Variants in MINDY3 observed in about 807,000 individuals in gnomAD.
The protein encoded by MINDY3 is MINDY lysine 48 deubiquitinase 3.
A neutral mutation model predicts 69.2 loss-of-function variants in MINDY3; 38 were observed. That is an observed-to-expected ratio of 0.55 (90% CI 0.42 to 0.72). The LOEUF (loss-of-function observed/expected upper bound fraction) is 0.72. MINDY3 is among the 30% of genes least tolerant of loss of function. The pLI, the probability that MINDY3 is intolerant of heterozygous loss-of-function variation, is 0.00. For synonymous variants in MINDY3, 192 were observed against 180.1 expected, an observed-to-expected ratio of 1.07 and a Z score of -0.53; for missense variants, 522 against 519.0, an observed-to-expected ratio of 1.01 and a Z score of -0.06.
chr10:15,849,447 T>G (rs7094427), intron 1 of MINDY3, among the ~76,000 whole-genome samples: 19,412 of 138,704 alleles, frequency 0.14, 2,924 homozygotes, highest in African/African-American at 0.39. Context: ...ATCTTACTGG[T>G]TTTTTTTTTT....
Position 15,841,365 on chromosome 10 carries a change from A to T in MINDY3, c.409+61T>A. On this transcript the variant is annotated intron_variant, in intron 4 of 14. Coordinates refer to ENST00000277632, the MANE Select transcript of MINDY3 (RefSeq NM_024948.4). ...AAGTAATTTTTTCTTCAAAATATTC[A>T]ATAGATTCATTAAAACAAAGGAACA... 3.0e-6 allele frequency: 4 copies of T among 1,329,144 alleles called. No individual in the cohort carries two copies. In the South Asian group the frequency reaches 5.4e-5, roughly 18 times the overall value. The allele number at this position is 1,329,144 out of a possible 1,614,324, so 82.3% of individuals were successfully genotyped here. A position where few individuals can be genotyped will look rare whatever the true frequency, so the allele number is the denominator to read the frequency against.
rs575487253 is a variant in MINDY3, at chr10:15,851,569, G to T, written c.95-3626C>A. 7.9e-5 allele frequency among the ~76,000 whole-genome samples: 12 copies of T among 151,836 alleles called. No homozygotes were observed. The South Asian group carries it at 2.1e-3, about 26-fold the overall frequency. ...CCTATAGGTTTCACCCTAAGATAAG[G>T]CCTGCCTGCTTCAAGGCTTCAAAAC... On this transcript the variant is annotated intron_variant, in intron 1 of 14. Transcript: ENST00000277632.
At chr10:15,785,612 A>G (rs1367371091) in intron 13 of MINDY3, among the ~76,000 whole-genome samples, 1 of 152,102 alleles carries the variant, frequency 6.6e-6, no homozygotes, top group Admixed American at 6.6e-5. Flanking sequence ...ATAAAATCTA[A>G]TTTTTCATGA....
At chr10:15,835,057 G>A (rs371382624) in intron 6 of MINDY3, among the ~76,000 whole-genome samples, 2 of 152,100 alleles carry the variant, frequency 1.3e-5, no homozygotes, top group African/African-American at 2.4e-5. Flanking sequence ...AATAATTTGC[G>A]TTTTAATTAT....
chr10:15,856,631 C>G (rs1001600240), intron 1 of MINDY3, among the ~76,000 whole-genome samples: 5 of 152,238 alleles, frequency 3.3e-5, no homozygotes, highest in Admixed American at 2.0e-4. Context: ...CCATACTAAC[C>G]ATGGCTGCTT....
chr10:15,837,760 T>C (rs1833188620), intron 5 of MINDY3: 1 of 1,036,534 alleles, frequency 9.6e-7, no homozygotes, highest in Non-Finnish European at 1.2e-6. Flanking sequence ...TAATGTTACA[T>C]TTTAAACCAA....
chr10:15,795,978 A>G lies in MINDY3; in HGVS notation c.955+122T>C, dbSNP rs1230434880. The G allele has an allele frequency of 4.3e-5, 34 of 789,576 alleles. No individual in the cohort carries two copies. The East Asian group carries it at 8.4e-4, about 20-fold the overall frequency. The allele number at this position is 789,576 out of a possible 1,614,324, so 48.9% of individuals were successfully genotyped here. ...CACTACTTTCCTTTTAAAATGTTCA[A>G]GAAACACAACTTACATTTCATTAAA... On this transcript the variant is annotated intron_variant, in intron 11 of 14. Transcript: ENST00000277632.
At chr10:15,825,633 T>C (rs955234105) in intron 8 of MINDY3, among the ~76,000 whole-genome samples, 1 of 152,236 alleles carries the variant, frequency 6.6e-6, no homozygotes, top group Admixed American at 6.5e-5. Flanking sequence ...CAGAGAAACA[T>C]GACTATTTTT....
intron 8 of MINDY3, among the ~76,000 whole-genome samples, chr10:15,824,209 T>C (rs1390665599): frequency 6.6e-6 from 1 of 152,190 alleles, no homozygotes; most frequent in African/African-American, 2.4e-5. Context: ...TCCATACTGT[T>C]TTCCATAGTG....
chr10:15,833,793 C>T, intron 7 of MINDY3, 84 bp from the exon 8 acceptor site: 1 of 859,618 alleles, frequency 1.2e-6, no homozygotes, highest in South Asian at 1.5e-5. Context: ...AAAGTAATGA[C>T]TTTTCACATT....
rs549073824 is a variant in MINDY3 at position 15,828,957 on chromosome 10, A to G, written c.730+4673T>C. 9.2e-5 allele frequency among the ~76,000 whole-genome samples: 14 copies of G among 152,318 alleles called. 1 individual carries two copies. The South Asian group carries it at 2.9e-3, about 32-fold the overall frequency. On this transcript the variant is annotated intron_variant, in intron 8 of 14. Coordinates refer to ENST00000277632, the MANE Select transcript of MINDY3 (RefSeq NM_024948.4). The stretch of plus-strand genomic sequence containing the variant: ...AGGCTTCAGTTTCCTTCTTCATAAC[A>G]TATGGAGTAATACTTGCCTTGAAGG...
chr10:15,816,580 GA>G (rs72001657), intron 10 of MINDY3, among the ~76,000 whole-genome samples: 20,181 of 151,882 alleles, frequency 0.13, 3,203 homozygotes, highest in African/African-American at 0.38. Context: ...AGTGATTTCT[GA>G]AAAAAATCAA....
intron 14 of MINDY3, among the ~76,000 whole-genome samples, chr10:15,779,567 T>C (rs1171794959): frequency 6.6e-6 from 1 of 152,164 alleles, no homozygotes; most frequent in African/African-American, 2.4e-5. Context: ...AAAAGGAATA[T>C]AGCTATTATG....
chr10:15,789,789 T>G (rs1837275788), intron 11 of MINDY3, among the ~76,000 whole-genome samples: 1 of 152,088 alleles, frequency 6.6e-6, no homozygotes, highest in Non-Finnish European at 1.5e-5. Context: ...AACTGACAGA[T>G]TAACAGCAAA....
intron 8 of MINDY3, among the ~76,000 whole-genome samples, chr10:15,824,063 G>C (rs973772976): frequency 3.3e-5 from 5 of 152,136 alleles, no homozygotes; most frequent in African/African-American, 7.2e-5. Context: ...CCCTAGCTTT[G>C]CTACTGTGAA....
chr10:15,816,158 G>C (rs1025598765), intron 10 of MINDY3, among the ~76,000 whole-genome samples: 3 of 151,236 alleles, frequency 2.0e-5, no homozygotes, highest in Non-Finnish European at 4.4e-5. Context: ...CTACTCGGGA[G>C]GCTGAAGTGG....
intron 2 of MINDY3, among the ~76,000 whole-genome samples, chr10:15,845,152 T>C (rs537554214): frequency 3.3e-4 from 50 of 152,354 alleles, no homozygotes; most frequent in African/African-American, 1.0e-3. Flanking sequence ...ACATTTGATA[T>C]ATGGTACAAA....
intron 11 of MINDY3, among the ~76,000 whole-genome samples, chr10:15,790,422 C>T (rs1231018194): frequency 1.3e-5 from 2 of 151,988 alleles, no homozygotes; most frequent in Admixed American, 6.6e-5. Context: ...TGTTAAGTTA[C>T]CAATAATTTG....
intron 12 of MINDY3, 147 bp from the exon 13 acceptor site, chr10:15,786,795 C>A: frequency 1.7e-6 from 1 of 600,590 alleles, no homozygotes; most frequent in Admixed American, 3.3e-5. Flanking sequence ...GACAAATACA[C>A]AGGAATGACA....
Sources: gnomAD v4.1 joint callset for allele counts (sites outside exome capture counted in the v4.1 genomes callset) on GRCh38, gnomAD v4.1.1 for gene constraint, MANE v1.5 for transcripts, NCBI Gene and HGNC (gene_info 2026-07-23, HGNC 2026-07-21) for gene names.